The following KCTD1 variants were observed in gnomAD, a reference collection of about 807,000 sequenced individuals.
The protein encoded by KCTD1 is BTB/POZ domain-containing protein KCTD1.
Under a neutral mutation model 66.0 loss-of-function variants are expected in KCTD1, and 24 were observed. That is an observed-to-expected ratio of 0.36 (90% CI 0.26 to 0.51). The LOEUF is 0.51. Ranked by LOEUF, KCTD1 falls within the 20% of genes least tolerant of loss-of-function variation. The pLI is 0.95. For missense variants in KCTD1, 943 were observed against 1,205.2 expected, an observed-to-expected ratio of 0.78 and a Z score of 3.22; for synonymous variants, 511 against 517.2, an observed-to-expected ratio of 0.99 and a Z score of 0.16.
At chr18:26,484,682 T>C (rs1265828403) in intron 2 of KCTD1, among the ~76,000 whole-genome samples, 1 of 152,214 alleles carries the variant, frequency 6.6e-6, no homozygotes, top group Non-Finnish European at 1.5e-5. Context: ...ATGCCCACCA[T>C]GTTCCCTGTG....
chr18:26,583,644 A>G (rs556741802), intron 1 of KCTD1, among the ~76,000 whole-genome samples: 1 of 152,346 alleles, frequency 6.6e-6, no homozygotes, highest in African/African-American at 2.4e-5. Flanking sequence ...AGTGGATAAA[A>G]GTTTATTTCA....
Position 26,548,483 on chromosome 18 carries a change from G to GCC in KCTD1, c.53_54insGG (p.Ser19AlafsTer54), listed in dbSNP as rs1985386710. 1 of 1,248,684 alleles carries GCC rather than the reference G, an allele frequency of 8.0e-7. No homozygotes were observed. Among genetic ancestry groups the GCC allele is most frequent in the Non-Finnish European group, 1.0e-6 (1 of 1,003,600 alleles). The allele number at this position is 1,248,684 out of a possible 1,614,324, so 77.4% of individuals were successfully genotyped here. The stretch of plus-strand genomic sequence containing the variant: ...TCTCGGCGGCGGCGGCGGCAGCGCT[G>GCC]GCGCTGCCGCCCGCGCTGGTGTTAC... On this transcript the variant is annotated frameshift_variant, in exon 1 of 5. Transcript: ENST00000580059. LOFTEE classifies it high-confidence loss of function.
At chr18:26,621,471 C>A (rs560143431) in intron 1 of KCTD1, among the ~76,000 whole-genome samples, 1 of 152,148 alleles carries the variant, frequency 6.6e-6, no homozygotes, top group South Asian at 2.1e-4. Flanking sequence ...CGTCCAAGAG[C>A]TGAGTCTGCA....
upstream of KCTD1, among the ~76,000 whole-genome samples, chr18:26,631,516 T>C (rs1987617149): frequency 6.6e-6 from 1 of 152,228 alleles, no homozygotes; most frequent in Admixed American, 6.5e-5. Flanking sequence ...ATGGGACCAC[T>C]ACTGTATATG....
intron 1 of KCTD1, among the ~76,000 whole-genome samples, chr18:26,524,233 ACCACAT>A (rs1346383294): frequency 2.6e-5 from 4 of 152,158 alleles, no homozygotes; most frequent in Non-Finnish European, 5.9e-5. Flanking sequence ...AGCTCCCAGG[ACCACAT>A]CCACCCTTAC....
upstream of KCTD1, among the ~76,000 whole-genome samples, chr18:26,551,296 G>A (rs557021639): frequency 1.2e-4 from 18 of 152,326 alleles, no homozygotes; most frequent in African/African-American, 4.3e-4. Context: ...AAAAGTCAGG[G>A]GAAGGAGGTG....
intron 3 of KCTD1, among the ~76,000 whole-genome samples, chr18:26,471,655 G>C (rs1332014578): frequency 1.3e-5 from 2 of 152,108 alleles, no homozygotes; most frequent in Admixed American, 1.3e-4. Flanking sequence ...AACCTTGACT[G>C]TATCAGTGTC....
chr18:26,583,067 G>A (rs1322096377), intron 1 of KCTD1, among the ~76,000 whole-genome samples: 3 of 147,644 alleles, frequency 2.0e-5, no homozygotes, highest in African/African-American at 7.5e-5. Flanking sequence ...GTAGATAGAT[G>A]GTAATTTAAA....
chr18:26,477,321 A>G, intron 2 of KCTD1, among the ~76,000 whole-genome samples: 1 of 152,262 alleles, frequency 6.6e-6, no homozygotes, highest in Non-Finnish European at 1.5e-5. Context: ...GAACATGAGT[A>G]GCTATGCTTA....
At chr18:26,601,083 G>T (rs950053590) in intron 1 of KCTD1, among the ~76,000 whole-genome samples, 13 of 152,050 alleles carry the variant, frequency 8.5e-5, no homozygotes, top group Non-Finnish European at 1.3e-4. Context: ...CACAAATGGG[G>T]CTAGTCCTAC....
intron 1 of KCTD1, among the ~76,000 whole-genome samples, chr18:26,529,549 A>G (rs1984337388): frequency 6.6e-6 from 1 of 152,238 alleles, no homozygotes; most frequent in Non-Finnish European, 1.5e-5. Flanking sequence ...CCCAGAAGTT[A>G]AAACAGAGTA....
At chr18:26,648,826 T>C (rs917584240) in intron 1 of KCTD1, among the ~76,000 whole-genome samples, 2 of 152,202 alleles carry the variant, frequency 1.3e-5, no homozygotes, top group Admixed American at 1.3e-4. Context: ...AGTTACTTTA[T>C]CTCTCCGCAC....
chr18:26,481,083 T>C (rs1308143776), intron 2 of KCTD1, among the ~76,000 whole-genome samples: 1 of 152,228 alleles, frequency 6.6e-6, no homozygotes, highest in Non-Finnish European at 1.5e-5. Context: ...GTTTCTTGTG[T>C]AATCATTCAG....
intron 1 of KCTD1, among the ~76,000 whole-genome samples, chr18:26,582,214 G>A (rs1423677169): frequency 1.3e-5 from 2 of 151,740 alleles, no homozygotes; most frequent in African/African-American, 4.8e-5. Context: ...GGAGGTTACA[G>A]GTGAGCCAAG....
intron 1 of KCTD1, among the ~76,000 whole-genome samples, chr18:26,639,620 CTTA>C (rs1987793530): frequency 6.6e-6 from 1 of 152,066 alleles, no homozygotes; most frequent in African/African-American, 2.4e-5. Context: ...TTATTGTATT[CTTA>C]TTATCTCTCT....
upstream of KCTD1, chr18:26,549,904 G>T (rs1321291451): frequency 2.8e-6 from 2 of 703,404 alleles, no homozygotes; most frequent in East Asian, 1.3e-4. Flanking sequence ...CCCAGGCTCC[G>T]GGCGCGTCCT....
intron 1 of KCTD1, among the ~76,000 whole-genome samples, chr18:26,584,111 C>G (rs1357170047): frequency 6.6e-6 from 1 of 151,208 alleles, no homozygotes; most frequent in Non-Finnish European, 1.5e-5. Context: ...ATATGAAAGA[C>G]CAGGGTTCTG....
At chr18:26,626,013 G>A (rs1357033723) in intron 1 of KCTD1, among the ~76,000 whole-genome samples, 1 of 152,118 alleles carries the variant, frequency 6.6e-6, no homozygotes, top group Non-Finnish European at 1.5e-5. Flanking sequence ...ATGTACATAT[G>A]GATGTGAAGC....
intron 1 of KCTD1, among the ~76,000 whole-genome samples, chr18:26,656,581 G>C (rs1878389187): frequency 6.6e-6 from 1 of 151,752 alleles, no homozygotes; most frequent in South Asian, 2.1e-4. Context: ...GCCCACAAAG[G>C]GGAGCGGCGT....
Sources: gnomAD v4.1 joint callset for allele counts (sites outside exome capture counted in the v4.1 genomes callset) on GRCh38, gnomAD v4.1.1 for gene constraint, MANE v1.5 for transcripts, NCBI Gene and HGNC (gene_info 2026-07-23, HGNC 2026-07-21) for gene names.